The following MADD variants were observed in gnomAD, a reference collection of about 807,000 sequenced individuals.
The protein encoded by MADD is MAP kinase-activating death domain protein.
In MADD, 109 loss-of-function variants were observed where a neutral mutation model predicts 176.7. That is an observed-to-expected ratio of 0.62 (90% CI 0.53 to 0.72). MADD has a LOEUF of 0.72. Among genes scored for constraint, MADD ranks in the 30% least tolerant of loss-of-function variants. MADD has a pLI of 0.00. For synonymous variants in MADD, 771 were observed against 771.3 expected (o/e 1.00, Z 0.01); for missense variants, 1,914 against 2,045.5 (o/e 0.94, Z 1.24).
exon 3 of MADD, chr11:47,274,881 C>A: frequency 6.2e-7 from 1 of 1,614,106 alleles, no homozygotes; most frequent in Non-Finnish European, 8.5e-7. Context: ...CCACCTGTGC[C>A]TCAGAAGAGG....
rs572679568 is a variant in MADD at position 47,324,611 on chromosome 11, G to A, written c.4542+34G>A. The A allele has an allele frequency of 1.5e-4, 215 of 1,455,836 alleles. 2 individuals are homozygous for A. In the South Asian group the frequency reaches 2.0e-3, roughly 14 times the overall value. 90.2% of individuals were successfully genotyped at this position (1,455,836 alleles called of 1,614,324 possible). A position where few individuals can be genotyped will look rare whatever the true frequency, so the allele number is the denominator to read the frequency against. On this transcript the variant is annotated intron_variant, in intron 30 of 32. Transcript: ENST00000402192. ...GAGCGGCAGCACGAGGCTCCCTGTC[G>A]TTCCATCTGTAAGAAGGACCAATGT...
At chr11:47,302,000 C>T (rs935321269) in intron 22 of MADD, among the ~76,000 whole-genome samples, 4 of 152,010 alleles carry the variant, frequency 2.6e-5, no homozygotes, top group East Asian at 3.9e-4. Flanking sequence ...AGTATAAATC[C>T]GGTATTTCTG....
rs1361660222 is a variant in MADD at position 47,293,906 on chromosome 11, T to C, written c.3325T>C (p.Phe1109Leu). 1.9e-6 allele frequency: 3 copies of C among 1,613,950 alleles called. No individual in the cohort carries two copies. The African/African-American group carries it at 4.0e-5, about 22-fold the overall frequency. ...AGGGCCTGAAGTAATCAAACCTGTCTTTGACCTTGGTGAGACAGAGGAGAA... is the reference window on the plus strand; with the variant it reads ...AGGGCCTGAAGTAATCAAACCTGTCCTTGACCTTGGTGAGACAGAGGAGAA... The change falls in exon 20 of 33, where the codon TTT (phenylalanine) becomes CTT (leucine). Residue 1109 changes from phenylalanine (F) to leucine (L), a missense_variant. Physicochemically the swap from Phe to Leu is conservative, Grantham distance 22 (BLOSUM62 0). This residue lies in a region of MADD where 1,767 missense variants were observed against 1,836.0 expected (regional missense o/e 0.96). Coordinates refer to ENST00000402192, the Ensembl canonical transcript of MADD.
intron 22 of MADD, among the ~76,000 whole-genome samples, chr11:47,304,549 C>T (rs573453655): frequency 1.3e-5 from 2 of 151,428 alleles, no homozygotes; most frequent in South Asian, 2.1e-4. Flanking sequence ...ATTTTTTAAA[C>T]TTTGTTCATT....
Position 47,282,378 on chromosome 11 carries a change from C to A in MADD, c.1470-3C>A. 1 of 1,613,112 alleles carries A rather than the reference C, an allele frequency of 6.2e-7. No individual in the cohort carries two copies. ...CAGATTATCTCATCATCTGCTTCCC[C>A]AGGGTTGCCATGGTACGGTTCTTCA... On this transcript the variant is annotated splice_polypyrimidine_tract_variant and splice_region_variant and intron_variant, in intron 8 of 32. Transcript: ENST00000402192.
At chr11:47,287,122 G>A (rs564237016) in intron 15 of MADD, among the ~76,000 whole-genome samples, 446 of 152,302 alleles carry the variant, frequency 2.9e-3, no homozygotes, top group Admixed American at 5.9e-3. Context: ...TCAGGAGTTC[G>A]AGACCAGACT....
intron 27 of MADD, among the ~76,000 whole-genome samples, chr11:47,321,814 G>C (rs944914488): frequency 1.3e-5 from 2 of 152,124 alleles, no homozygotes; most frequent in East Asian, 3.9e-4. Flanking sequence ...ATTTCAGGCT[G>C]GGGCAGCTGG....
intron 31 of MADD, 85 bp from the exon 36 acceptor site, chr11:47,328,573 G>C: frequency 6.3e-7 from 1 of 1,591,718 alleles, no homozygotes; most frequent in Non-Finnish European, 8.6e-7. Flanking sequence ...GGACCCTGAC[G>C]CCGGGCGCTG....
intron 3 of MADD, among the ~76,000 whole-genome samples, chr11:47,275,535 C>T (rs550311922): frequency 1.3e-5 from 2 of 152,318 alleles, no homozygotes; most frequent in African/African-American, 4.8e-5. Context: ...AGGTGGTCCA[C>T]CCACGTTGGC....
Position 47,302,492 on chromosome 11 carries a change from G to A in MADD, c.3643-6099G>A, listed in dbSNP as rs191184584. 1.6e-3 allele frequency among the ~76,000 whole-genome samples: 249 copies of A among 152,336 alleles called. 1 individual carries two copies. The highest frequency in any genetic ancestry group is 4.2e-3 in the African/African-American group (173 of 41,578). ...CTCCCAAAGTGCTGGGATTACAGGC[G>A]TGAGCCACCGTGCTCAGCCTCTTTT... On this transcript the variant is annotated intron_variant, in intron 22 of 32. Coordinates refer to ENST00000402192, the Ensembl canonical transcript of MADD.
chr11:47,274,068 A>G (rs2047469173), intron 2 of MADD, 92 bp downstream of exon 2: 4 of 1,186,910 alleles, frequency 3.4e-6, no homozygotes, highest in Non-Finnish European at 3.7e-6. Flanking sequence ...GTTGCTTTGC[A>G]TAGCTCATCT....
At chr11:47,284,273 A>G in exon 11 of MADD, 1 of 1,613,896 alleles carries the variant, frequency 6.2e-7, no homozygotes, top group Non-Finnish European at 8.5e-7. Context: ...ATTAATGGTG[A>G]TACTCCCAGT....
exon 25 of MADD, chr11:47,309,509 A>G: frequency 6.2e-7 from 1 of 1,613,826 alleles, no homozygotes; most frequent in Non-Finnish European, 8.5e-7. Context: ...CTCCTTAGGT[A>G]CCTGTCCCTT....
At chr11:47,303,410 AT>A (rs2079643159) in intron 22 of MADD, among the ~76,000 whole-genome samples, 1 of 151,324 alleles carries the variant, frequency 6.6e-6, no homozygotes, top group African/African-American at 2.4e-5. Context: ...GCTAATTTTT[AT>A]GTATTTTTAG....
intron 31 of MADD, chr11:47,328,403 C>G (rs920792207): frequency 1.4e-6 from 2 of 1,406,136 alleles, no homozygotes; most frequent in Non-Finnish European, 9.2e-7. Context: ...GGTAGAATCA[C>G]GGCCATCAAG....
chr11:47,299,585 CTTTTTTTTTTT>C (rs1185948034), intron 22 of MADD, among the ~76,000 whole-genome samples: 3 of 41,518 alleles, frequency 7.2e-5, no homozygotes, highest in Non-Finnish European at 8.6e-5. Flanking sequence ...GATTTTAGGG[CTTTTTTTTTTT>C]TTTTTTTTTT....
rs114649485 is a variant in MADD, at chr11:47,282,673, C to T, written c.1705+57C>T. The T allele has an allele frequency of 1.8e-4, 285 of 1,595,494 alleles. 2 individuals are homozygous for T. In the African/African-American group the frequency reaches 3.4e-3, roughly 19 times the overall value. On this transcript the variant is annotated intron_variant, in intron 9 of 32. Transcript: ENST00000402192. The stretch of plus-strand genomic sequence containing the variant: ...CTTGTGCCTCTGTCCTCCTGATGGA[C>T]TTTGATTTTTCCTTTGCTAATGTTT...
intron 31 of MADD, chr11:47,328,013 G>T: frequency 2.0e-6 from 2 of 988,728 alleles, no homozygotes; most frequent in Non-Finnish European, 2.4e-6. Context: ...TGCTGTACTC[G>T]CCTGTCTTCT....
At chr11:47,297,599 A>G (rs1371181631) in intron 22 of MADD, among the ~76,000 whole-genome samples, 1 of 150,966 alleles carries the variant, frequency 6.6e-6, no homozygotes, top group East Asian at 2.0e-4. Flanking sequence ...GGTGCCCGCC[A>G]CCACGCCCAG....
Sources: allele counts gnomAD v4.1 joint callset (sites outside exome capture counted in the v4.1 genomes callset), GRCh38; gene constraint gnomAD v4.1.1; regional missense constraint gnomAD v4.1.1; transcripts MANE v1.5; gene names NCBI Gene and HGNC (gene_info 2026-07-23, HGNC 2026-07-21).